PRKCA: variants seen among roughly 807,000 people sequenced by gnomAD.
PRKCA encodes protein kinase C alpha type.
PRKCA carries 27 observed loss-of-function variants against 87.0 expected under a neutral mutation model. That is an observed-to-expected ratio of 0.31 (90% confidence interval 0.23 to 0.43). The LOEUF is 0.43. Among genes scored for constraint, PRKCA ranks in the 20% least tolerant of loss-of-function variants. The pLI is 1.00. For missense variants in PRKCA, 518 were observed against 852.3 expected, an observed-to-expected ratio of 0.61 and a Z score of 4.88; for synonymous variants, 329 against 311.1, an observed-to-expected ratio of 1.06 and a Z score of -0.61.
At chr17:66,415,062 T>G (rs1399985220) in intron 2 of PRKCA, 1 of 152,090 alleles carries the variant, frequency 6.6e-6, no homozygotes, top group Admixed American at 6.5e-5. Context: ...CTTTATACTC[T>G]TCCACATTTT....
At chr17:66,603,249 C>G (rs1970107769) in intron 3 of PRKCA, among the ~76,000 whole-genome samples, 1 of 152,188 alleles carries the variant, frequency 6.6e-6, no homozygotes, top group Non-Finnish European at 1.5e-5. Context: ...CCTTGGAATT[C>G]TGGCCCCCAG....
At chr17:66,616,015 C>T (rs186170343) in intron 3 of PRKCA, among the ~76,000 whole-genome samples, 53 of 152,238 alleles carry the variant, frequency 3.5e-4, no homozygotes, top group Admixed American at 1.4e-3. Context: ...GCCATTTCGC[C>T]AAGTGAGGTT....
At chr17:66,783,652 G>A (rs1312398930) in intron 14 of PRKCA, among the ~76,000 whole-genome samples, 1 of 152,228 alleles carries the variant, frequency 6.6e-6, no homozygotes, top group Non-Finnish European at 1.5e-5. Context: ...ACATTTGAAG[G>A]TGGGGTGGCT....
intron 13 of PRKCA, among the ~76,000 whole-genome samples, chr17:66,763,725 C>T (rs1452925725): frequency 6.6e-6 from 1 of 152,104 alleles, no homozygotes; most frequent in African/African-American, 2.4e-5. Flanking sequence ...GTGGCCAGGC[C>T]TTTTATTTAA....
intron 8 of PRKCA, among the ~76,000 whole-genome samples, chr17:66,692,217 G>A (rs1173977353): frequency 1.3e-5 from 2 of 152,176 alleles, no homozygotes; most frequent in Non-Finnish European, 2.9e-5. Flanking sequence ...TACATGAACT[G>A]CATTCTAACC....
At chr17:66,628,367 A>C (rs1970915927) in intron 3 of PRKCA, among the ~76,000 whole-genome samples, 2 of 152,198 alleles carry the variant, frequency 1.3e-5, no homozygotes, top group South Asian at 4.1e-4. Context: ...GATTAAATCC[A>C]TCATAGTGTG....
At chr17:66,745,197 A>G (rs1179251779) in intron 13 of PRKCA, among the ~76,000 whole-genome samples, 1 of 152,222 alleles carries the variant, frequency 6.6e-6, no homozygotes, top group Non-Finnish European at 1.5e-5. Flanking sequence ...ACTGTCCTCA[A>G]CAGGGACACC....
chr17:66,377,714 TATATA>T (rs1567797839), intron 2 of PRKCA, among the ~76,000 whole-genome samples: 49 of 71,606 alleles, frequency 6.8e-4, no homozygotes, highest in African/African-American at 2.1e-3. Flanking sequence ...TATATATATA[TATATA>T]TATTTTTTTT....
At chr17:66,385,360 A>C (rs916476721) in intron 2 of PRKCA, among the ~76,000 whole-genome samples, 1 of 152,226 alleles carries the variant, frequency 6.6e-6, no homozygotes, top group Non-Finnish European at 1.5e-5. Context: ...TTTCATGGGA[A>C]TCAAGAACCT....
At chr17:66,671,885 A>G (rs1451108218) in intron 5 of PRKCA, among the ~76,000 whole-genome samples, 3 of 152,242 alleles carry the variant, frequency 2.0e-5, no homozygotes, top group Admixed American at 2.0e-4. Context: ...TAACAAACAG[A>G]AGCCACACAG....
intron 2 of PRKCA, among the ~76,000 whole-genome samples, chr17:66,370,491 A>G (rs997822352): frequency 2.0e-5 from 3 of 148,624 alleles, no homozygotes; most frequent in African/African-American, 7.4e-5. Flanking sequence ...ACTTTGTATA[A>G]TTATTTAATC....
chr17:66,387,807 G>T (rs1910145000), intron 2 of PRKCA, among the ~76,000 whole-genome samples: 1 of 152,186 alleles, frequency 6.6e-6, no homozygotes, highest in Non-Finnish European at 1.5e-5. Flanking sequence ...CCGGAAGCCG[G>T]AGGAGGCCAC....
At position 66,803,539 on chromosome 17, in the gene PRKCA, C is replaced by T. The variant is rs561248810; in HGVS notation, c.1855-334C>T. 2.8e-4 allele frequency among the ~76,000 whole-genome samples: 42 copies of T among 152,320 alleles called. No individual in the cohort carries two copies. The highest frequency in any genetic ancestry group is 5.2e-4 in the Admixed American group (8 of 15,306). On this transcript the variant is annotated intron_variant, in intron 16 of 16. Coordinates refer to ENST00000413366, the MANE Select transcript of PRKCA (RefSeq NM_002737.3). This position sits in a 1 kb window ranked among gnomAD's most constrained non-coding sequence, Gnocchi z 4.4. ...CACGGAGCTGTGACTGACGGCCCTG[C>T]GTGCGTGGCTTCCGTGCTCTCAGCT...
At chr17:66,306,025 A>C in intron 1 of PRKCA, 71 bp from the exon 2 acceptor site, 1 of 1,454,736 alleles carries the variant, frequency 6.9e-7, no homozygotes, top group Non-Finnish European at 9.6e-7. Flanking sequence ...ACTTGGTCAC[A>C]TAACTTGTTT....
chr17:66,732,173 G>A (rs980567776), intron 8 of PRKCA, among the ~76,000 whole-genome samples: 1 of 149,680 alleles, frequency 6.7e-6, no homozygotes, highest in Admixed American at 6.7e-5. Flanking sequence ...CTGTGCATTT[G>A]AAAATAGCGA....
intron 2 of PRKCA, among the ~76,000 whole-genome samples, chr17:66,363,015 C>T (rs1908488699): frequency 6.6e-6 from 1 of 152,082 alleles, no homozygotes; most frequent in African/African-American, 2.4e-5. Flanking sequence ...TTTTAGGCAC[C>T]TCAATGTCTA....
chr17:66,342,760 G>C (rs1907121778), intron 2 of PRKCA, among the ~76,000 whole-genome samples: 1 of 152,046 alleles, frequency 6.6e-6, no homozygotes, highest in African/African-American at 2.4e-5. Flanking sequence ...AATTGCTTCA[G>C]CTTTTTAAAT....
intron 2 of PRKCA, among the ~76,000 whole-genome samples, chr17:66,476,353 G>T (rs1915536299): frequency 6.6e-6 from 1 of 152,218 alleles, no homozygotes. Context: ...GGGGCATGTT[G>T]CCTCCCTGCT....
intron 16 of PRKCA, among the ~76,000 whole-genome samples, chr17:66,795,069 A>C (rs1257638082): frequency 1.3e-5 from 2 of 152,042 alleles, no homozygotes; most frequent in Admixed American, 6.5e-5. Flanking sequence ...TTTCTGAACC[A>C]TTTGAGAGTA....
Sources: allele counts gnomAD v4.1 joint callset (sites outside exome capture counted in the v4.1 genomes callset), GRCh38; gene constraint gnomAD v4.1.1; non-coding constraint Gnocchi (gnomAD v3.1); transcripts MANE v1.5; gene names NCBI Gene and HGNC (gene_info 2026-07-23, HGNC 2026-07-21).